TMEM71: variants seen among roughly 807,000 people sequenced by gnomAD.
The protein encoded by TMEM71 is transmembrane protein 71.
In TMEM71, 44 loss-of-function variants were observed where a neutral mutation model predicts 38.0. The observed-to-expected ratio is 1.16, with a 90% CI of 0.91 to 1.49. The LOEUF (loss-of-function observed/expected upper bound fraction) is 1.49. Among genes scored for constraint, TMEM71 ranks in the 40% most tolerant of loss-of-function variants. The pLI, the probability that TMEM71 is intolerant of heterozygous loss-of-function variation, is 0.00. For missense variants in TMEM71, 367 were observed against 348.6 expected, an observed-to-expected ratio of 1.05 and a Z score of -0.42; for synonymous variants, 133 against 122.5, an observed-to-expected ratio of 1.09 and a Z score of -0.56.
chr8:132,731,544 G>A (rs997840885), intron 5 of TMEM71, among the ~76,000 whole-genome samples: 3 of 152,100 alleles, frequency 2.0e-5, no homozygotes, highest in African/African-American at 7.2e-5. Flanking sequence ...TTCACCATAG[G>A]ACAGGGTCCT....
At chr8:132,730,248 A>G (rs7005191) in intron 5 of TMEM71, among the ~76,000 whole-genome samples, 87,827 of 152,024 alleles carry the variant, frequency 0.58, 28,204 homozygotes, top group African/African-American at 0.87. Flanking sequence ...ATGAGTCACC[A>G]TGCCTGGCCT....
At chr8:132,746,852 C>A (rs1563754049) in intron 5 of TMEM71, 90 bp downstream of exon 5, 7 of 1,062,160 alleles carry the variant, frequency 6.6e-6, no homozygotes, top group Non-Finnish European at 7.9e-6. Context: ...TGACTGTCAT[C>A]CCTGGAACTG....
intron 5 of TMEM71, among the ~76,000 whole-genome samples, chr8:132,729,673 A>G (rs1232444948): frequency 6.6e-6 from 1 of 152,214 alleles, no homozygotes; most frequent in East Asian, 1.9e-4. Flanking sequence ...CAAAGCTGCC[A>G]AAAGGGGTGG....
At chr8:132,718,030 A>G (rs1446659427) in intron 7 of TMEM71, among the ~76,000 whole-genome samples, 2 of 152,246 alleles carry the variant, frequency 1.3e-5, no homozygotes, top group Admixed American at 6.5e-5. Flanking sequence ...GGAAATGTCC[A>G]GAATAGACAA....
chr8:132,751,044 A>G (rs562103930), intron 4 of TMEM71, among the ~76,000 whole-genome samples: 1 of 152,172 alleles, frequency 6.6e-6, no homozygotes, highest in African/African-American at 2.4e-5. Context: ...CACACATCCA[A>G]CTACCCATCC....
At chr8:132,732,378 T>C (rs1338696633) in intron 5 of TMEM71, among the ~76,000 whole-genome samples, 2 of 152,086 alleles carry the variant, frequency 1.3e-5, no homozygotes, top group African/African-American at 4.8e-5. Context: ...GGGGAGAAAT[T>C]ACAATACCTC....
At chr8:132,749,812 G>C (rs1012570315) in intron 4 of TMEM71, among the ~76,000 whole-genome samples, 2 of 151,886 alleles carry the variant, frequency 1.3e-5, no homozygotes. Context: ...TCAGGGGATC[G>C]AGACCATCCT....
chr8:132,722,188 T>C, intron 6 of TMEM71, 73 bp from the exon 7 acceptor site: 1 of 1,108,624 alleles, frequency 9.0e-7, no homozygotes, highest in Non-Finnish European at 1.3e-6. Flanking sequence ...AAAAATCATC[T>C]CAAACTTCCC....
At chr8:132,744,412 C>G (rs745610832) in intron 5 of TMEM71, among the ~76,000 whole-genome samples, 1 of 152,072 alleles carries the variant, frequency 6.6e-6, no homozygotes, top group East Asian at 1.9e-4. Flanking sequence ...AGAGCCAAGT[C>G]AAGAATGCAA....
intron 5 of TMEM71, among the ~76,000 whole-genome samples, chr8:132,729,956 TA>T (rs979206664): frequency 1.3e-4 from 20 of 149,210 alleles, no homozygotes; most frequent in African/African-American, 3.9e-4. Flanking sequence ...GGTTTTCAGT[TA>T]AATTTTTTTT....
At chr8:132,757,964 G>A (rs1040880306) in intron 2 of TMEM71, 8 of 152,120 alleles carry the variant, frequency 5.3e-5, no homozygotes, top group Admixed American at 2.0e-4. Flanking sequence ...TACCCAATGT[G>A]TTGGTTATTG....
intron 2 of TMEM71, chr8:132,758,529 G>T: frequency 3.8e-6 from 1 of 263,978 alleles, no homozygotes; most frequent in Admixed American, 5.4e-5. Context: ...AAATCATTCA[G>T]CATTTTTTAT....
At chr8:132,747,830 G>A (rs982502706) in intron 4 of TMEM71, among the ~76,000 whole-genome samples, 6 of 152,208 alleles carry the variant, frequency 3.9e-5, no homozygotes, top group Non-Finnish European at 5.9e-5. Flanking sequence ...AAGTAATGAT[G>A]AACTTCTTAT....
intron 5 of TMEM71, among the ~76,000 whole-genome samples, chr8:132,729,794 G>C (rs1282531904): frequency 6.6e-6 from 1 of 152,124 alleles, no homozygotes; most frequent in African/African-American, 2.4e-5. Flanking sequence ...CCGAGTTTCT[G>C]TAGGGACTCA....
rs905634773 is a variant in TMEM71 at position 132,725,080 on chromosome 8, C to T, written c.676+2718G>A. Among the ~76,000 whole-genome samples, 3 of 151,134 alleles carry T rather than the reference C, an allele frequency of 2.0e-5. No homozygotes were observed. In the East Asian group the frequency reaches 5.8e-4, roughly 29 times the overall value. ...TTTTAACAGGGTCTCACTCTATTTC[C>T]CAGGCTGCAGTGCAGTGCATGATCT... On this transcript the variant is annotated intron_variant, in intron 6 of 9. Transcript: ENST00000677595.
intron 6 of TMEM71, among the ~76,000 whole-genome samples, chr8:132,724,192 C>T (rs1266375558): frequency 1.3e-5 from 2 of 152,198 alleles, no homozygotes; most frequent in African/African-American, 4.8e-5. Flanking sequence ...TGATAAACAT[C>T]TTAACAGAAA....
intron 6 of TMEM71, among the ~76,000 whole-genome samples, chr8:132,722,885 G>A (rs1370149745): frequency 6.6e-6 from 1 of 152,176 alleles, no homozygotes; most frequent in Non-Finnish European, 1.5e-5. Flanking sequence ...ATGAACCTCA[G>A]TATTATTCTA....
intron 5 of TMEM71, among the ~76,000 whole-genome samples, chr8:132,736,785 T>G: frequency 6.6e-6 from 1 of 151,248 alleles, no homozygotes; most frequent in Admixed American, 6.6e-5. Flanking sequence ...AAGCCAAGAC[T>G]GGACCACTGC....
chr8:132,763,612 A>G (rs547606673), upstream of TMEM71, among the ~76,000 whole-genome samples: 8 of 152,258 alleles, frequency 5.3e-5, no homozygotes, highest in African/African-American at 1.9e-4. Flanking sequence ...TTTAAATGAT[A>G]CTCGGACTTG....
Sources: allele counts gnomAD v4.1 joint callset (sites outside exome capture counted in the v4.1 genomes callset), GRCh38; gene constraint gnomAD v4.1.1; transcripts MANE v1.5; gene names NCBI Gene and HGNC (gene_info 2026-07-23, HGNC 2026-07-21).